Variants in IGSF10 observed in about 807,000 individuals in gnomAD.
IGSF10 encodes the protein calvaria mechanical force protein 608.
IGSF10 carries 126 observed loss-of-function variants against 128.2 expected under a neutral mutation model. The observed-to-expected ratio is 0.98, with a 90% CI of 0.85 to 1.14. IGSF10 has a LOEUF of 1.14. Ranked by LOEUF, IGSF10 falls within the 50% of genes most tolerant of loss-of-function variation. IGSF10 has a pLI of 0.00. For missense variants in IGSF10, 3,295 were observed against 3,149.8 expected (o/e 1.05, Z -1.10); for synonymous variants, 1,185 against 1,146.2 (o/e 1.03, Z -0.68).
chr3:151,502,300 G>T, the IGSF10 span, among the ~76,000 whole-genome samples: 1 of 151,920 alleles, frequency 6.6e-6, no homozygotes, highest in African/African-American at 2.4e-5. Context: ...TTAACATTTT[G>T]TAAGTAAATC....
intron 2 of IGSF10, among the ~76,000 whole-genome samples, chr3:151,459,003 A>C (rs1405416178): frequency 6.6e-6 from 1 of 152,246 alleles, no homozygotes; most frequent in East Asian, 1.9e-4. Context: ...ATTAAAAGGG[A>C]AACTGGAAAC....
chr3:151,476,392 T>C, the IGSF10 span, among the ~76,000 whole-genome samples: 14 of 151,952 alleles, frequency 9.2e-5, no homozygotes, highest in African/African-American at 3.4e-4. Flanking sequence ...TGAGGCCTAA[T>C]AGGCCTCTGC....
the IGSF10 span, among the ~76,000 whole-genome samples, chr3:151,582,433 A>T: frequency 6.6e-6 from 1 of 151,860 alleles, no homozygotes; most frequent in Non-Finnish European, 1.5e-5. Flanking sequence ...GTTTAACACT[A>T]TCCTGATTTC....
the IGSF10 span, among the ~76,000 whole-genome samples, chr3:151,472,804 C>T: frequency 3.3e-5 from 5 of 152,162 alleles, no homozygotes; most frequent in East Asian, 1.9e-4. Context: ...AGACCCTCCC[C>T]ATGGTTTAGA....
At chr3:151,578,770 A>G in the IGSF10 span, among the ~76,000 whole-genome samples, 58 of 152,338 alleles carry the variant, frequency 3.8e-4, no homozygotes, top group East Asian at 5.4e-3. Flanking sequence ...GAGAAGAAAT[A>G]GAAAAAAAGA....
chr3:151,590,829 G>C, the IGSF10 span, among the ~76,000 whole-genome samples: 2 of 152,180 alleles, frequency 1.3e-5, no homozygotes, highest in Non-Finnish European at 2.9e-5. Context: ...TAAAGAAGAA[G>C]TAAGCAATAG....
At chr3:151,617,621 A>G in the IGSF10 span, among the ~76,000 whole-genome samples, 1 of 152,018 alleles carries the variant, frequency 6.6e-6, no homozygotes, top group Non-Finnish European at 1.5e-5. Context: ...GCTGAAGTGA[A>G]TTAAGACTTT....
chr3:151,582,762 C>T, the IGSF10 span, among the ~76,000 whole-genome samples: 13 of 152,224 alleles, frequency 8.5e-5, no homozygotes, highest in African/African-American at 3.1e-4. Context: ...ATAGGACTTG[C>T]AGTGCAATGT....
the IGSF10 span, among the ~76,000 whole-genome samples, chr3:151,573,807 C>T: frequency 6.6e-6 from 1 of 152,210 alleles, no homozygotes; most frequent in African/African-American, 2.4e-5. Context: ...TTAGTTGATG[C>T]AGTTTCTTTC....
At chr3:151,444,122 A>G (rs1721041501) in intron 6 of IGSF10, among the ~76,000 whole-genome samples, 1 of 152,046 alleles carries the variant, frequency 6.6e-6, no homozygotes, top group Admixed American at 6.5e-5. Flanking sequence ...AACAAAAAAT[A>G]AAATATTAGC....
At chr3:151,530,382 CAAG>C in the IGSF10 span, among the ~76,000 whole-genome samples, 2 of 152,040 alleles carry the variant, frequency 1.3e-5, no homozygotes, top group African/African-American at 4.8e-5. Context: ...AGATAGTCCT[CAAG>C]AAGAGCAACC....
chr3:151,490,026 G>A, the IGSF10 span, among the ~76,000 whole-genome samples: 3 of 151,890 alleles, frequency 2.0e-5, no homozygotes, highest in South Asian at 6.2e-4. Context: ...AAACAAAATG[G>A]CAGTAATAAG....
At chr3:151,580,672 CG>C in the IGSF10 span, among the ~76,000 whole-genome samples, 17 of 151,902 alleles carry the variant, frequency 1.1e-4, no homozygotes, top group African/African-American at 3.6e-4. Flanking sequence ...GCAGTTTTAA[CG>C]TTAAAAAAAA....
the IGSF10 span, among the ~76,000 whole-genome samples, chr3:151,493,234 T>C: frequency 3.3e-5 from 5 of 152,184 alleles, no homozygotes; most frequent in African/African-American, 1.2e-4. Context: ...CTGAGGATTA[T>C]TGTTAATAAA....
the IGSF10 span, among the ~76,000 whole-genome samples, chr3:151,560,180 T>G: frequency 6.6e-6 from 1 of 152,176 alleles, no homozygotes; most frequent in African/African-American, 2.4e-5. Flanking sequence ...GTTGCCCTTT[T>G]GTAAAGAAAA....
At chr3:151,503,767 G>A in the IGSF10 span, among the ~76,000 whole-genome samples, 1 of 152,128 alleles carries the variant, frequency 6.6e-6, no homozygotes, top group Non-Finnish European at 1.5e-5. Context: ...TCAAAAATTG[G>A]GAGACTGGAG....
the IGSF10 span, among the ~76,000 whole-genome samples, chr3:151,467,371 C>T: frequency 6.6e-6 from 1 of 152,170 alleles, no homozygotes; most frequent in Non-Finnish European, 1.5e-5. Flanking sequence ...TTGTGAAGGA[C>T]TTCCCTTATT....
At chr3:151,598,275 C>A in the IGSF10 span, among the ~76,000 whole-genome samples, 1 of 152,172 alleles carries the variant, frequency 6.6e-6, no homozygotes, top group Non-Finnish European at 1.5e-5. Flanking sequence ...AAATTCTCAT[C>A]AAGAAGAGCT....
chr3:151,522,290 A>G, the IGSF10 span, among the ~76,000 whole-genome samples: 2 of 152,082 alleles, frequency 1.3e-5, no homozygotes, highest in Non-Finnish European at 2.9e-5. Context: ...TCATTCCTAC[A>G]GAAACTGCTC....
Sources: allele counts gnomAD v4.1 joint callset (sites outside exome capture counted in the v4.1 genomes callset), GRCh38; gene constraint gnomAD v4.1.1; transcripts MANE v1.5; gene names NCBI Gene and HGNC (gene_info 2026-07-23, HGNC 2026-07-21).